The following COBL variants were observed in gnomAD, a reference collection of about 807,000 sequenced individuals.
COBL encodes the protein cordon-bleu WH2 repeat protein, also known as protein cordon-bleu.
Under a neutral mutation model 98.8 loss-of-function variants are expected in COBL, and 51 were observed. The observed-to-expected ratio is 0.52, with a 90% CI of 0.41 to 0.65. The LOEUF (loss-of-function observed/expected upper bound fraction) is 0.65, where lower values mean the gene tolerates loss of function less well. Among genes scored for constraint, COBL ranks in the 30% least tolerant of loss-of-function variants. The pLI, the probability that COBL is intolerant of heterozygous loss-of-function variation, is 0.00. For synonymous variants in COBL, 634 were observed against 651.7 expected (o/e 0.97, Z 0.41); for missense variants, 1,617 against 1,617.5 (o/e 1.00, Z 0.01).
At chr7:51,176,747 A>T (rs1333293942) in intron 5 of COBL, among the ~76,000 whole-genome samples, 1 of 152,218 alleles carries the variant, frequency 6.6e-6, no homozygotes. Flanking sequence ...TGAACTAGTG[A>T]ATTTCACCTG....
intron 6 of COBL, among the ~76,000 whole-genome samples, chr7:51,108,877 T>C (rs1045487953): frequency 1.3e-5 from 2 of 148,232 alleles, no homozygotes; most frequent in Non-Finnish European, 3.0e-5. Context: ...ACTTCTCCCA[T>C]CATGGAGCCG....
intron 1 of COBL, among the ~76,000 whole-genome samples, chr7:51,296,179 T>C (rs999241439): frequency 6.6e-6 from 1 of 152,188 alleles, no homozygotes; most frequent in Non-Finnish European, 1.5e-5. Flanking sequence ...GTGGGATCTG[T>C]CAGAGCAGGG....
chr7:51,092,370 A>G (rs1434864925), intron 6 of COBL, among the ~76,000 whole-genome samples: 1 of 152,144 alleles, frequency 6.6e-6, no homozygotes, highest in Non-Finnish European at 1.5e-5. Flanking sequence ...AATGTCATAG[A>G]GCTTCCCTCT....
intron 1 of COBL, among the ~76,000 whole-genome samples, chr7:51,291,989 C>T (rs748062055): frequency 6.6e-6 from 1 of 151,952 alleles, no homozygotes; most frequent in Non-Finnish European, 1.5e-5. Context: ...TGGTGAAACC[C>T]TGTCTCTACT....
intron 7 of COBL, among the ~76,000 whole-genome samples, chr7:51,079,112 G>T (rs139686207): frequency 3.9e-5 from 6 of 152,192 alleles, no homozygotes; most frequent in Non-Finnish European, 8.8e-5. Context: ...AACACAGGAG[G>T]TGGGGATCAC....
chr7:51,260,244 A>T, intron 1 of COBL: 1 of 539,798 alleles, frequency 1.9e-6, no homozygotes, highest in South Asian at 3.0e-5. Context: ...TCAAGACCAT[A>T]TACTATTTTT....
chr7:51,262,252 C>T (rs1797789741), intron 1 of COBL, among the ~76,000 whole-genome samples: 1 of 152,144 alleles, frequency 6.6e-6, no homozygotes, highest in Admixed American at 6.5e-5. Flanking sequence ...AGGTGCAAGA[C>T]AGGGGCACAC....
At chr7:51,057,772 A>G (rs1562854204) in intron 7 of COBL, among the ~76,000 whole-genome samples, 1 of 152,134 alleles carries the variant, frequency 6.6e-6, no homozygotes, top group Non-Finnish European at 1.5e-5. Context: ...AAAATAACCT[A>G]CATGAGATGC....
At chr7:51,112,391 T>G (rs1011625849) in intron 6 of COBL, among the ~76,000 whole-genome samples, 3 of 152,202 alleles carry the variant, frequency 2.0e-5, no homozygotes, top group Non-Finnish European at 2.9e-5. Flanking sequence ...ATATAGTTTA[T>G]GATTAATATG....
intron 5 of COBL, among the ~76,000 whole-genome samples, chr7:51,160,529 T>A (rs945849759): frequency 6.6e-6 from 1 of 152,160 alleles, no homozygotes; most frequent in East Asian, 1.9e-4. Context: ...AAAGAAGCAA[T>A]GAGCAACAGG....
At chr7:51,142,063 C>T (rs1375537169) in intron 5 of COBL, among the ~76,000 whole-genome samples, 1 of 152,074 alleles carries the variant, frequency 6.6e-6, no homozygotes, top group African/African-American at 2.4e-5. Flanking sequence ...TCCGAGGAAG[C>T]GGCAAAGAAA....
At chr7:51,241,592 T>A (rs1795800238) in intron 1 of COBL, among the ~76,000 whole-genome samples, 1 of 152,168 alleles carries the variant, frequency 6.6e-6, no homozygotes, top group Non-Finnish European at 1.5e-5. Flanking sequence ...TTTAAAAAAA[T>A]AAAAGTCACT....
intron 2 of COBL, among the ~76,000 whole-genome samples, chr7:51,200,683 T>G (rs145360564): frequency 2.6e-4 from 39 of 151,936 alleles, no homozygotes; most frequent in African/African-American, 9.2e-4. Context: ...GCTACGATAA[T>G]CAAACCACAA....
At chr7:51,275,159 TGAGA>T (rs1435043717) in intron 1 of COBL, among the ~76,000 whole-genome samples, 2 of 152,016 alleles carry the variant, frequency 1.3e-5, no homozygotes, top group South Asian at 2.1e-4. Context: ...GCTCTGCACA[TGAGA>T]GAGAGGGGTC....
intron 1 of COBL, among the ~76,000 whole-genome samples, chr7:51,308,862 T>A (rs986171754): frequency 2.6e-5 from 4 of 152,196 alleles, no homozygotes; most frequent in Non-Finnish European, 5.9e-5. Flanking sequence ...GTGTTGCAGA[T>A]GCAAAGTCCT....
At chr7:51,061,728 G>A (rs1453001413) in intron 7 of COBL, among the ~76,000 whole-genome samples, 1 of 152,106 alleles carries the variant, frequency 6.6e-6, no homozygotes, top group Non-Finnish European at 1.5e-5. Context: ...AGAACAAAAA[G>A]GCAGGGAAGG....
chr7:51,019,537 G>A (rs910219518), intron 12 of COBL, among the ~76,000 whole-genome samples: 7 of 152,194 alleles, frequency 4.6e-5, no homozygotes, highest in African/African-American at 1.7e-4. Context: ...GGAATGAGCT[G>A]GTCAAATGTG....
At chr7:51,175,200 T>C (rs1213350894) in intron 5 of COBL, among the ~76,000 whole-genome samples, 1 of 152,262 alleles carries the variant, frequency 6.6e-6, no homozygotes, top group Non-Finnish European at 1.5e-5. Flanking sequence ...GGTCAAGGTA[T>C]TGGCAGTTTT....
chr7:51,223,831 C>A (rs1317334676), intron 1 of COBL, among the ~76,000 whole-genome samples: 2 of 152,162 alleles, frequency 1.3e-5, no homozygotes, highest in Non-Finnish European at 2.9e-5. Context: ...CCAATTAAAT[C>A]TGAATACCAA....
Sources: allele counts gnomAD v4.1 joint callset (sites outside exome capture counted in the v4.1 genomes callset), GRCh38; gene constraint gnomAD v4.1.1; transcripts MANE v1.5; gene names NCBI Gene and HGNC (gene_info 2026-07-23, HGNC 2026-07-21).